TRMT44: variants seen among roughly 807,000 people sequenced by gnomAD.
TRMT44 encodes the protein tRNA methyltransferase 44 homolog.
In TRMT44, 78 loss-of-function variants were observed where a neutral mutation model predicts 77.3. The observed-to-expected ratio is 1.01, with a 90% confidence interval of 0.84 to 1.22. TRMT44 has a LOEUF of 1.22. Ranked by LOEUF, TRMT44 falls within the 50% of genes most tolerant of loss-of-function variation. TRMT44 has a pLI of 0.00. For missense variants in TRMT44, 1,090 were observed against 964.4 expected (o/e 1.13, Z -1.73); for synonymous variants, 391 against 383.3 (o/e 1.02, Z -0.23).
In TRMT44 at chr4:8,465,466, C is replaced by T. The variant is rs147229355; in HGVS notation, c.1399C>T (p.Gln467Ter). Residue 467 changes from glutamine to a stop codon, truncating the protein, a stop_gained, in exon 8 of 11, where the codon CAG (glutamine) becomes TAG (stop). Coordinates refer to ENST00000389737, the MANE Select transcript of TRMT44 (RefSeq NM_152544.3). LOFTEE classifies it high-confidence loss of function. ...RYSRRQSKKT[Q>*]YREYLDFIKE... ...CTCCCGGAGGCAGAGTAAGAAGACTCAGTACCGGGAATACCTTGACTTCAT... is the reference window on the plus strand; with the variant it reads ...CTCCCGGAGGCAGAGTAAGAAGACTTAGTACCGGGAATACCTTGACTTCAT... 30 of 1,614,152 alleles carry T rather than the reference C, an allele frequency of 1.9e-5. No individual in the cohort carries two copies. Among genetic ancestry groups the T allele is most frequent in the African/African-American group, 2.7e-5 (2 of 75,044 alleles).
chr4:8,449,940 TTTTCTTTTC>T, intron 3 of TRMT44, 52 bp downstream of exon 3: 1 of 698,816 alleles, frequency 1.4e-6, no homozygotes, highest in African/African-American at 2.8e-5. Flanking sequence ...TTTTCTTTTC[TTTTCTTTTC>T]TTTTTTTTTT....
At chr4:8,515,369 C>T in the TRMT44 span, among the ~76,000 whole-genome samples, 3 of 152,208 alleles carry the variant, frequency 2.0e-5, no homozygotes, top group African/African-American at 2.4e-5. Flanking sequence ...CACGGTCCAG[C>T]GAAGGGCAGC....
chr4:8,452,808 C>T lies in TRMT44; in HGVS notation c.1024-74C>T. The T allele has an allele frequency of 1.3e-6, 1 of 778,718 alleles. No individual in the cohort carries two copies. Among genetic ancestry groups the T allele is most frequent in the Non-Finnish European group, 2.0e-6 (1 of 506,536 alleles). 48.2% of individuals were successfully genotyped at this position (778,718 alleles called of 1,614,324 possible). On this transcript the variant is annotated intron_variant, in intron 4 of 10. Coordinates refer to ENST00000389737, the MANE Select transcript of TRMT44 (RefSeq NM_152544.3). This position sits in a 1 kb window ranked among gnomAD's most constrained non-coding sequence, Gnocchi z 5.7. ...TCCTTTCACTCAGAGTTTTCTTTGA[C>T]CAGTTTGTGTCTAAATTATTCTTGC...
chr4:8,487,751 G>C (rs1054500138), intron 2 of TRMT44, among the ~76,000 whole-genome samples: 2 of 152,122 alleles, frequency 1.3e-5, no homozygotes, highest in African/African-American at 4.8e-5. Flanking sequence ...AAGGGGTAGA[G>C]ACATGGAGAG....
chr4:8,448,567 A>G (rs778346459), intron 2 of TRMT44, among the ~76,000 whole-genome samples: 15 of 152,254 alleles, frequency 9.9e-5, no homozygotes, highest in Admixed American at 5.9e-4. Flanking sequence ...CCCCTTGGGC[A>G]GAATCTCTGC....
rs773011837 is a variant in TRMT44, at chr4:8,465,514, G to A, written c.1447G>A (p.Gly483Arg). The A allele has an allele frequency of 5.0e-6, 8 of 1,613,860 alleles. No homozygotes were observed. In the Middle Eastern group the frequency reaches 4.9e-4, roughly 100 times the overall value. The change falls in exon 8 of 11, where the codon GGG becomes AGG. Residue 483 changes from glycine to arginine, a missense_variant. By Grantham distance (125) the Gly-to-Arg change is moderately radical (BLOSUM62 -2). Coordinates refer to ENST00000389737, the MANE Select transcript of TRMT44 (RefSeq NM_152544.3). ...CATTAAAGAAGTGGGCTTCACCTGT[G>A]GGTTTCACGTGGACGAAGACTGCCT... ...DFIKEVGFTC[G>R]FHVDEDCLRI...
At chr4:8,459,271 A>G (rs985650456) in intron 6 of TRMT44, among the ~76,000 whole-genome samples, 2 of 152,208 alleles carry the variant, frequency 1.3e-5, no homozygotes, top group East Asian at 3.9e-4. Context: ...ACTTTGTTCA[A>G]GGGCCAGCTG....
rs141272791 is a variant in TRMT44 at position 8,468,005 on chromosome 4, G to T, written c.1586G>T (p.Gly529Val). 1.1e-5 allele frequency: 18 copies of T among 1,614,078 alleles called. No homozygotes were observed. The South Asian group carries it at 1.5e-4, about 14-fold the overall frequency. Reference protein sequence around the residue: ...KRTQYIKSRRGCPVSPPGWEL... With the variant: ...KRTQYIKSRRVCPVSPPGWEL... The stretch of plus-strand genomic sequence containing the variant: ...ACTCAGTACATTAAGAGCAGGCGGG[G>T]CTGCCCTGTAAGCCCACCTGGCTGG... Residue 529 changes from glycine (G) to valine (V), a missense_variant, in exon 9 of 11, where the codon GGC becomes GTC. Coordinates refer to ENST00000389737, the MANE Select transcript of TRMT44 (RefSeq NM_152544.3).
the TRMT44 span, chr4:8,512,329 A>G: frequency 6.6e-6 from 1 of 152,198 alleles, no homozygotes; most frequent in African/African-American, 2.4e-5. Flanking sequence ...GGCCTCCCAA[A>G]GTGTTGGGAT....
intron 2 of TRMT44, among the ~76,000 whole-genome samples, chr4:8,485,485 G>A (rs1727774469): frequency 6.6e-6 from 1 of 152,186 alleles, no homozygotes. Flanking sequence ...GTGATAACAG[G>A]CTTTAATCCT....
the TRMT44 span, chr4:8,507,626 T>C: frequency 1.3e-5 from 2 of 152,636 alleles, no homozygotes; most frequent in Admixed American, 6.5e-5. Flanking sequence ...CCAGAATTCA[T>C]TTCTGTTACT....
In TRMT44 at chr4:8,452,890, G is replaced by T; in HGVS notation, c.1032G>T (p.Trp344Cys). ...VAIAAYLLILWEEERAERRLT... is the reference protein window; with the variant it reads ...VAIAAYLLILCEEERAERRLT... ...TTTTTCTCTTCACTTAGATTCTATG[G>T]GAAGAAGAAAGGGCTGAGAGGAGAC... Residue 344 changes from tryptophan (W) to cysteine (C), a missense_variant, in exon 5 of 11, where the codon TGG becomes TGT. By Grantham distance (215) the Trp-to-Cys change is radical. Coordinates refer to ENST00000389737, the MANE Select transcript of TRMT44 (RefSeq NM_152544.3). This position sits in a 1 kb window ranked among gnomAD's most constrained non-coding sequence, Gnocchi z 5.7. 6.6e-7 allele frequency: 1 copy of T among 1,523,934 alleles called. No individual in the cohort carries two copies. The allele number at this position is 1,523,934 out of a possible 1,614,324, so 94.4% of individuals were successfully genotyped here. A position where few individuals can be genotyped will look rare whatever the true frequency, so the allele number is the denominator to read the frequency against.
chr4:8,492,574 GA>G (rs1183456794), intron 2 of TRMT44, among the ~76,000 whole-genome samples: 2 of 152,174 alleles, frequency 1.3e-5, no homozygotes, highest in African/African-American at 4.8e-5. Flanking sequence ...ACCCAAAGCA[GA>G]AAGTCAAGCT....
chr4:8,476,041 A>G lies in TRMT44; in HGVS notation c.*40A>G, dbSNP rs1362306072. On this transcript the variant is annotated 3_prime_UTR_variant, in exon 11 of 11. Transcript: ENST00000389737. ...AGCCGAGGCCTGGTTGGGGAGGCCA[A>G]ACCAAGGAGAGCTTCCCCAGCAGTC... 3 of 1,588,506 alleles carry G rather than the reference A, an allele frequency of 1.9e-6. No homozygotes were observed.
rs776798194 is a variant in TRMT44 at position 8,467,999 on chromosome 4, G to C, written c.1580G>C (p.Arg527Thr). 1 of 1,614,146 alleles carries C rather than the reference G, an allele frequency of 6.2e-7. No homozygotes were observed. Among genetic ancestry groups the C allele is most frequent in the East Asian group, 2.2e-5 (1 of 44,886 alleles). The change falls in exon 9 of 11, where the codon AGG (arginine) becomes ACG (threonine). Residue 527 changes from arginine to threonine, a missense_variant. Coordinates refer to ENST00000389737, the MANE Select transcript of TRMT44 (RefSeq NM_152544.3). ...AAGAGGACTCAGTACATTAAGAGCA[G>C]GCGGGGCTGCCCTGTAAGCCCACCT... ...DEKRTQYIKS[R>T]RGCPVSPPGW...
intron 6 of TRMT44, among the ~76,000 whole-genome samples, chr4:8,456,309 A>T (rs908833270): frequency 6.6e-6 from 1 of 152,192 alleles, no homozygotes; most frequent in African/African-American, 2.4e-5. Context: ...GCCTAGTGAA[A>T]CGTGATCTCT....
chr4:8,511,743 C>A, the TRMT44 span: 1 of 151,712 alleles, frequency 6.6e-6, no homozygotes, highest in African/African-American at 2.4e-5. Flanking sequence ...AAAAAACATC[C>A]AGATGAGTGG....
the TRMT44 span, among the ~76,000 whole-genome samples, chr4:8,503,446 G>A: frequency 1.3e-5 from 2 of 152,222 alleles, no homozygotes; most frequent in Non-Finnish European, 2.9e-5. Flanking sequence ...GGCTGACAGT[G>A]TGCACAGGGC....
At chr4:8,487,758 A>G (rs1359672244) in intron 2 of TRMT44, among the ~76,000 whole-genome samples, 2 of 152,044 alleles carry the variant, frequency 1.3e-5, no homozygotes, top group African/African-American at 4.8e-5. Flanking sequence ...AGAGACATGG[A>G]GAGAAGGGGT....
Sources: allele counts gnomAD v4.1 joint callset (sites outside exome capture counted in the v4.1 genomes callset), GRCh38; gene constraint gnomAD v4.1.1; non-coding constraint Gnocchi (gnomAD v3.1); transcripts MANE v1.5; gene names NCBI Gene and HGNC (gene_info 2026-07-23, HGNC 2026-07-21).